NRXN1: variants seen among roughly 807,000 people sequenced by gnomAD.
NRXN1 encodes neurexin 1.
In NRXN1, 39 loss-of-function variants were observed where a neutral mutation model predicts 150.9. The ratio of observed to expected loss-of-function variants is 0.26; its 90% CI spans 0.20 to 0.34. NRXN1 has a LOEUF of 0.34. Among genes scored for constraint, NRXN1 ranks in the 10% least tolerant of loss-of-function variants. The pLI, the probability that NRXN1 is intolerant of heterozygous loss-of-function variation, is 1.00. For missense variants in NRXN1, 1,815 were observed against 1,949.9 expected, an observed-to-expected ratio of 0.93 and a Z score of 1.30; for synonymous variants, 924 against 757.0, an observed-to-expected ratio of 1.22 and a Z score of -3.62.
intron 19 of NRXN1, among the ~76,000 whole-genome samples, chr2:50,062,543 A>C (rs1007185433): frequency 2.4e-4 from 36 of 152,166 alleles, no homozygotes; most frequent in Non-Finnish European, 8.8e-5. Context: ...ATTTTAGTCT[A>C]TTTATTCTAT....
intron 5 of NRXN1, among the ~76,000 whole-genome samples, chr2:50,746,228 G>A (rs1197851662): frequency 1.3e-5 from 2 of 152,062 alleles, no homozygotes. Flanking sequence ...GCTCACTGGT[G>A]TGAGGGGCTG....
intron 5 of NRXN1, among the ~76,000 whole-genome samples, chr2:50,702,886 T>G (rs1693947376): frequency 6.6e-6 from 1 of 152,098 alleles, no homozygotes; most frequent in South Asian, 2.1e-4. Flanking sequence ...CCCCCAGGAT[T>G]CTCCATTATA....
intron 17 of NRXN1, among the ~76,000 whole-genome samples, chr2:50,294,991 A>C (rs1026672270): frequency 3.3e-5 from 5 of 152,218 alleles, no homozygotes; most frequent in Non-Finnish European, 5.9e-5. Flanking sequence ...GGCTATGGAC[A>C]TGTAAGAATT....
intron 18 of NRXN1, among the ~76,000 whole-genome samples, chr2:50,118,108 A>T (rs1211848760): frequency 6.6e-6 from 1 of 152,216 alleles, no homozygotes; most frequent in Non-Finnish European, 1.5e-5. Flanking sequence ...ATACAAAAGT[A>T]AGATCTTAAC....
chr2:50,129,493 A>C (rs1174226798), intron 18 of NRXN1, among the ~76,000 whole-genome samples: 2 of 152,338 alleles, frequency 1.3e-5, no homozygotes, highest in East Asian at 3.9e-4. Flanking sequence ...TTTTAATAAA[A>C]TAATTATCAG....
At chr2:50,056,369 C>T (rs1693621493) in intron 19 of NRXN1, among the ~76,000 whole-genome samples, 2 of 152,010 alleles carry the variant, frequency 1.3e-5, no homozygotes, top group African/African-American at 4.8e-5. Context: ...ATCTTTTAGA[C>T]CTCATCAATT....
intron 2 of NRXN1, among the ~76,000 whole-genome samples, chr2:50,976,283 C>T (rs939989570): frequency 1.3e-5 from 2 of 150,930 alleles, no homozygotes; most frequent in South Asian, 2.1e-4. Flanking sequence ...CTTGTATTTC[C>T]TAAAACTCTA....
At chr2:50,859,834 ATGTT>A (rs752179159) in intron 5 of NRXN1, among the ~76,000 whole-genome samples, 1,245 of 88,050 alleles carry the variant, frequency 0.014, 11 homozygotes, top group Admixed American at 0.025. Context: ...ACACACAATT[ATGTT>A]TGTGTGTGTG....
chr2:50,245,080 A>G (rs2066375239), intron 17 of NRXN1, among the ~76,000 whole-genome samples: 2 of 151,946 alleles, frequency 1.3e-5, no homozygotes, highest in Non-Finnish European at 1.5e-5. Context: ...TCTTTGCAAT[A>G]TATTTTCTTT....
At chr2:50,268,899 C>G (rs941667029) in intron 17 of NRXN1, among the ~76,000 whole-genome samples, 1 of 152,096 alleles carries the variant, frequency 6.6e-6, no homozygotes, top group Non-Finnish European at 1.5e-5. Flanking sequence ...AGTTGTATAT[C>G]TACGTTAATG....
chr2:50,317,725 ACT>A (rs2075726699), intron 17 of NRXN1, among the ~76,000 whole-genome samples: 1 of 152,050 alleles, frequency 6.6e-6, no homozygotes, highest in Admixed American at 6.6e-5. Flanking sequence ...AGAAAGCCTT[ACT>A]TTGTAAAAAT....
chr2:50,407,717 C>T (rs142632751), intron 17 of NRXN1, among the ~76,000 whole-genome samples: 53 of 152,122 alleles, frequency 3.5e-4, no homozygotes, highest in African/African-American at 1.2e-3. Context: ...CCCTGCACCA[C>T]CTCACCTCAG....
chr2:50,850,898 T>C (rs1287970983), intron 5 of NRXN1, among the ~76,000 whole-genome samples: 1 of 152,204 alleles, frequency 6.6e-6, no homozygotes, highest in Non-Finnish European at 1.5e-5. Context: ...GCCCTTAGAA[T>C]GTGATTGCCT....
At chr2:50,338,882 C>A (rs1018753714) in intron 17 of NRXN1, among the ~76,000 whole-genome samples, 1 of 152,124 alleles carries the variant, frequency 6.6e-6, no homozygotes, top group Admixed American at 6.6e-5. Flanking sequence ...ACTATCCACA[C>A]TTTAGATTTT....
At chr2:50,028,098 G>A (rs978805269) in intron 21 of NRXN1, among the ~76,000 whole-genome samples, 21 of 151,970 alleles carry the variant, frequency 1.4e-4, no homozygotes, top group African/African-American at 5.1e-4. Flanking sequence ...ATATTTAGAA[G>A]TCACTTTGCT....
At chr2:50,598,964 G>T (rs1035383629) in intron 8 of NRXN1, among the ~76,000 whole-genome samples, 5 of 151,746 alleles carry the variant, frequency 3.3e-5, no homozygotes, top group Admixed American at 6.6e-5. Flanking sequence ...CAGAGACAGG[G>T]TTTCACCATG....
chr2:50,472,053 A>AGCGG (rs1246715555), intron 16 of NRXN1, among the ~76,000 whole-genome samples: 1 of 96,624 alleles, frequency 1.0e-5, no homozygotes, highest in Non-Finnish European at 2.3e-5. Context: ...CAAAAGCAAA[A>AGCGG]ACAGGCAAAA....
At chr2:50,195,756 G>C (rs1574436500) in intron 18 of NRXN1, among the ~76,000 whole-genome samples, 2 of 151,962 alleles carry the variant, frequency 1.3e-5, no homozygotes, top group Non-Finnish European at 1.5e-5. Context: ...AATACTACCT[G>C]ATAATGTGAT....
At chr2:50,665,745 C>G (rs1687932005) in intron 5 of NRXN1, among the ~76,000 whole-genome samples, 1 of 151,840 alleles carries the variant, frequency 6.6e-6, no homozygotes, top group Admixed American at 6.6e-5. Flanking sequence ...ATTGAATCAA[C>G]TAAAAAACAC....
Sources: allele counts gnomAD v4.1 joint callset (sites outside exome capture counted in the v4.1 genomes callset), GRCh38; gene constraint gnomAD v4.1.1; transcripts MANE v1.5; gene names NCBI Gene and HGNC (gene_info 2026-07-23, HGNC 2026-07-21).